Variants in FRMD4B observed in about 807,000 individuals in gnomAD.
FRMD4B encodes the protein FERM domain-containing protein 4B.
FRMD4B carries 74 observed loss-of-function variants against 141.5 expected under a neutral mutation model. That is an observed-to-expected ratio of 0.52 (90% CI 0.43 to 0.63). The LOEUF (loss-of-function observed/expected upper bound fraction) is 0.63, where lower values mean the gene tolerates loss of function less well. Ranked by LOEUF, FRMD4B falls within the 30% of genes least tolerant of loss-of-function variation. The pLI is 0.00. For synonymous variants in FRMD4B, 506 were observed against 467.9 expected, an observed-to-expected ratio of 1.08 and a Z score of -1.05; for missense variants, 1,366 against 1,253.4, an observed-to-expected ratio of 1.09 and a Z score of -1.36.
chr3:69,279,079 CAAAT>C (rs1053487922), intron 5 of FRMD4B, among the ~76,000 whole-genome samples: 1 of 149,510 alleles, frequency 6.7e-6, no homozygotes, highest in African/African-American at 2.4e-5. Flanking sequence ...AATAAATAAA[CAAAT>C]AAATAAACAC....
At chr3:69,414,409 T>C (rs4855403) in intron 2 of FRMD4B, among the ~76,000 whole-genome samples, 56,115 of 152,130 alleles carry the variant, frequency 0.37, 11,014 homozygotes, top group African/African-American at 0.49. Flanking sequence ...ATCTATACTA[T>C]GTGGCTAGAA....
chr3:69,361,960 C>T (rs993211833), intron 1 of FRMD4B, among the ~76,000 whole-genome samples: 6 of 152,198 alleles, frequency 3.9e-5, no homozygotes, highest in African/African-American at 9.7e-5. Context: ...CCATTTTACA[C>T]TGCCAATATA....
At chr3:69,363,919 G>A (rs1703555838) in intron 1 of FRMD4B, among the ~76,000 whole-genome samples, 1 of 152,180 alleles carries the variant, frequency 6.6e-6, no homozygotes. Context: ...CCTCCAGCCT[G>A]AGCAGCTTCT....
intron 1 of FRMD4B, among the ~76,000 whole-genome samples, chr3:69,523,532 C>T (rs570471964): frequency 1.3e-5 from 2 of 152,144 alleles, no homozygotes; most frequent in African/African-American, 2.4e-5. Flanking sequence ...GCTGAAGCTC[C>T]GGTCATGGTA....
At chr3:69,189,495 G>A (rs1171094015) in intron 18 of FRMD4B, among the ~76,000 whole-genome samples, 1 of 151,996 alleles carries the variant, frequency 6.6e-6, no homozygotes. Context: ...TTTTGATATT[G>A]GACTCCAGAT....
At chr3:69,266,244 T>C (rs1473157090) in intron 5 of FRMD4B, among the ~76,000 whole-genome samples, 1 of 151,836 alleles carries the variant, frequency 6.6e-6, no homozygotes, top group Non-Finnish European at 1.5e-5. Flanking sequence ...GGACAAGCCA[T>C]AAGAACACAG....
At chr3:69,262,252 C>T (rs1306142331) in intron 5 of FRMD4B, among the ~76,000 whole-genome samples, 1 of 152,146 alleles carries the variant, frequency 6.6e-6, no homozygotes, top group East Asian at 1.9e-4. Flanking sequence ...CAGGCACGAA[C>T]CACCATGCCA....
At chr3:69,220,087 G>T (rs2093179579) in intron 9 of FRMD4B, among the ~76,000 whole-genome samples, 1 of 152,146 alleles carries the variant, frequency 6.6e-6, no homozygotes, top group African/African-American at 2.4e-5. Context: ...GTCACACATT[G>T]CTTAACAATG....
At chr3:69,457,919 G>C (rs1408663431) in intron 1 of FRMD4B, among the ~76,000 whole-genome samples, 3 of 152,072 alleles carry the variant, frequency 2.0e-5, no homozygotes, top group Non-Finnish European at 4.4e-5. Flanking sequence ...CTCAACAATG[G>C]GGAGCATGGA....
chr3:69,420,756 T>A (rs1704961296), intron 2 of FRMD4B, among the ~76,000 whole-genome samples: 4 of 152,160 alleles, frequency 2.6e-5, no homozygotes, highest in Admixed American at 2.6e-4. Flanking sequence ...GGTAGTCTAC[T>A]TTTACTCTGG....
At chr3:69,501,091 C>A (rs1226975271) in intron 1 of FRMD4B, among the ~76,000 whole-genome samples, 4 of 152,096 alleles carry the variant, frequency 2.6e-5, no homozygotes, top group Non-Finnish European at 5.9e-5. Flanking sequence ...TCAGGCAATC[C>A]AAAATTTGCA....
intron 19 of FRMD4B, 89 bp downstream of exon 19, chr3:69,187,679 CAT>C (rs897900637): frequency 1.3e-5 from 15 of 1,181,118 alleles, no homozygotes; most frequent in African/African-American, 1.6e-5. Context: ...TAAATAAAAA[CAT>C]GTGAAAATGT....
At chr3:69,330,600 C>T (rs1371092283) in intron 1 of FRMD4B, among the ~76,000 whole-genome samples, 1 of 151,726 alleles carries the variant, frequency 6.6e-6, no homozygotes, top group East Asian at 1.9e-4. Context: ...CCGCCTCAGC[C>T]TCCCAAAGTT....
intron 7 of FRMD4B, among the ~76,000 whole-genome samples, chr3:69,227,667 A>G (rs569794624): frequency 6.9e-6 from 1 of 144,378 alleles, no homozygotes; most frequent in Admixed American, 6.6e-5. Flanking sequence ...TGTCTCAAAA[A>G]AAAAAAAAGA....
At chr3:69,329,414 A>G (rs7641145) in intron 1 of FRMD4B, among the ~76,000 whole-genome samples, 8,177 of 151,664 alleles carry the variant, frequency 0.054, 762 homozygotes, top group African/African-American at 0.19. Context: ...CAGTAGCGCA[A>G]TCTCTGCTCA....
intron 21 of FRMD4B, among the ~76,000 whole-genome samples, chr3:69,179,497 A>G (rs1424852102): frequency 6.6e-6 from 1 of 152,214 alleles, no homozygotes; most frequent in African/African-American, 2.4e-5. Flanking sequence ...GCCCTTTCAT[A>G]TGTTAGATGT....
chr3:69,541,795 C>G (rs115639029), intron 1 of FRMD4B, among the ~76,000 whole-genome samples: 16 of 151,652 alleles, frequency 1.1e-4, no homozygotes, highest in South Asian at 6.3e-4. Context: ...GATTTCCCCC[C>G]CCTCTTTTCG....
intron 1 of FRMD4B, among the ~76,000 whole-genome samples, chr3:69,457,625 T>C (rs1268341674): frequency 1.3e-5 from 2 of 152,046 alleles, no homozygotes; most frequent in Non-Finnish European, 2.9e-5. Context: ...AAATTATTTA[T>C]GGTGTCCTCC....
chr3:69,349,675 C>T (rs745496556), intron 1 of FRMD4B, among the ~76,000 whole-genome samples: 1 of 152,132 alleles, frequency 6.6e-6, no homozygotes, highest in Non-Finnish European at 1.5e-5. Flanking sequence ...TATCACACAT[C>T]TACAACCATC....
Sources: gnomAD v4.1 joint callset for allele counts (sites outside exome capture counted in the v4.1 genomes callset) on GRCh38, gnomAD v4.1.1 for gene constraint, MANE v1.5 for transcripts, NCBI Gene and HGNC (gene_info 2026-07-23, HGNC 2026-07-21) for gene names.